Variants in UBE3D observed in about 807,000 individuals in gnomAD.
UBE3D encodes the protein E3 ubiquitin-protein ligase E3D.
Under a neutral mutation model 49.6 loss-of-function variants are expected in UBE3D, and 48 were observed. That is an observed-to-expected ratio of 0.97 (90% confidence interval 0.77 to 1.23). The LOEUF (loss-of-function observed/expected upper bound fraction) is 1.23. UBE3D is among the 50% of genes most tolerant of loss of function. The pLI is 0.00. For synonymous variants in UBE3D, 189 were observed against 174.2 expected, an observed-to-expected ratio of 1.08 and a Z score of -0.67; for missense variants, 452 against 468.4, an observed-to-expected ratio of 0.96 and a Z score of 0.32.
chr6:82,993,942 T>C (rs1325250767), intron 8 of UBE3D, among the ~76,000 whole-genome samples: 1 of 152,180 alleles, frequency 6.6e-6, no homozygotes, highest in Non-Finnish European at 1.5e-5. Context: ...TTGACTTCAT[T>C]AATCTAGAAA....
chr6:83,060,307 A>G (rs1784092773), intron 1 of UBE3D, among the ~76,000 whole-genome samples: 1 of 152,220 alleles, frequency 6.6e-6, no homozygotes, highest in South Asian at 2.1e-4. Context: ...TGCCACTAGG[A>G]CAATGAGGGC....
downstream of UBE3D, among the ~76,000 whole-genome samples, chr6:82,887,399 T>TTTTTTTTTTG (rs1562053917): frequency 8.9e-4 from 124 of 138,990 alleles, 4 homozygotes; most frequent in African/African-American, 3.3e-3. Flanking sequence ...GTTTTTTTTT[T>TTTTTTTTTTG]TTTTTTTTTT....
intron 9 of UBE3D, chr6:82,938,242 G>A (rs868564895): frequency 3.9e-5 from 6 of 152,088 alleles, no homozygotes; most frequent in African/African-American, 1.2e-4. Context: ...CATAGATAAC[G>A]AAACTGGGAT....
At chr6:83,011,888 C>T (rs899440219) in intron 8 of UBE3D, among the ~76,000 whole-genome samples, 18 of 152,026 alleles carry the variant, frequency 1.2e-4, no homozygotes, top group African/African-American at 1.7e-4. Flanking sequence ...TTCCTGGACC[C>T]GTGAATCCTA....
At chr6:82,947,909 AAC>A (rs1775523057) in intron 9 of UBE3D, among the ~76,000 whole-genome samples, 1 of 152,114 alleles carries the variant, frequency 6.6e-6, no homozygotes, top group South Asian at 2.1e-4. Flanking sequence ...CCTACATCAA[AAC>A]AGAAGAAAAA....
At chr6:82,946,892 C>T (rs1775446067) in intron 9 of UBE3D, among the ~76,000 whole-genome samples, 2 of 145,044 alleles carry the variant, frequency 1.4e-5, no homozygotes, top group African/African-American at 5.1e-5. Flanking sequence ...CTCATGTTAA[C>T]AAAAATCATA....
At chr6:82,881,100 G>A in the UBE3D span, among the ~76,000 whole-genome samples, 1 of 152,220 alleles carries the variant, frequency 6.6e-6, no homozygotes, top group African/African-American at 2.4e-5. Context: ...TAAGGGGACA[G>A]AAACTTTCAG....
At chr6:82,928,124 A>C (rs1773893295) in intron 9 of UBE3D, among the ~76,000 whole-genome samples, 1 of 152,008 alleles carries the variant, frequency 6.6e-6, no homozygotes, top group South Asian at 2.1e-4. Flanking sequence ...GTAATGAGGG[A>C]AGTTATCCCC....
intron 5 of UBE3D, among the ~76,000 whole-genome samples, chr6:83,030,217 A>G (rs965197185): frequency 9.9e-5 from 15 of 152,144 alleles, no homozygotes; most frequent in African/African-American, 3.6e-4. Context: ...ATTAAAAAAA[A>G]AAGACGTTTC....
chr6:82,937,347 A>C, intron 9 of UBE3D, among the ~76,000 whole-genome samples: 1 of 152,178 alleles, frequency 6.6e-6, no homozygotes, highest in Non-Finnish European at 1.5e-5. Flanking sequence ...CAAACAACAA[A>C]AACAAAAACA....
At chr6:83,022,938 G>C (rs1209784073) in intron 6 of UBE3D, among the ~76,000 whole-genome samples, 1 of 152,164 alleles carries the variant, frequency 6.6e-6, no homozygotes, top group Admixed American at 6.5e-5. Context: ...CCAAACATCA[G>C]ACAGTATTGT....
At chr6:82,933,077 T>C (rs1774290618) in intron 9 of UBE3D, among the ~76,000 whole-genome samples, 1 of 152,052 alleles carries the variant, frequency 6.6e-6, no homozygotes, top group Admixed American at 6.6e-5. Context: ...TTGGGTTTTT[T>C]TGGGGGGTGG....
chr6:82,892,157 GT>G (rs1770997599), downstream of UBE3D, among the ~76,000 whole-genome samples: 1 of 152,218 alleles, frequency 6.6e-6, no homozygotes, highest in Admixed American at 6.5e-5. Flanking sequence ...TGATCCTGGA[GT>G]AGGAAAGGAG....
intron 8 of UBE3D, among the ~76,000 whole-genome samples, chr6:82,973,047 C>T (rs1777463186): frequency 6.6e-6 from 1 of 152,122 alleles, no homozygotes; most frequent in African/African-American, 2.4e-5. Flanking sequence ...AAAGCTTATT[C>T]AGGAATCCCC....
chr6:82,939,235 C>T (rs1375094954), intron 9 of UBE3D, among the ~76,000 whole-genome samples: 1 of 152,178 alleles, frequency 6.6e-6, no homozygotes, highest in Non-Finnish European at 1.5e-5. Flanking sequence ...AGGCCTTGCC[C>T]CTAGGCCTTC....
At chr6:83,008,386 C>T (rs1464870347) in intron 8 of UBE3D, among the ~76,000 whole-genome samples, 5 of 151,944 alleles carry the variant, frequency 3.3e-5, no homozygotes, top group Non-Finnish European at 7.4e-5. Context: ...TGCTGATAAA[C>T]AAACTAAAAA....
intron 5 of UBE3D, chr6:83,032,295 C>T (rs1343085812): frequency 1.8e-5 from 8 of 454,864 alleles, no homozygotes; most frequent in Non-Finnish European, 3.1e-5. Context: ...CCACCTCTTG[C>T]ATCAGCATGA....
chr6:83,000,409 A>G (rs115981383), intron 8 of UBE3D, among the ~76,000 whole-genome samples: 2 of 152,154 alleles, frequency 1.3e-5, no homozygotes, highest in Non-Finnish European at 2.9e-5. Flanking sequence ...CCAATCAATC[A>G]TCAAGTATGC....
chr6:82,941,913 A>G (rs1016992419), intron 9 of UBE3D, among the ~76,000 whole-genome samples: 12 of 152,192 alleles, frequency 7.9e-5, no homozygotes, highest in Non-Finnish European at 1.8e-4. Context: ...AGTCTCAGGG[A>G]GTTCTTTATA....
Sources: allele counts gnomAD v4.1 joint callset (sites outside exome capture counted in the v4.1 genomes callset), GRCh38; gene constraint gnomAD v4.1.1; transcripts MANE v1.5; gene names NCBI Gene and HGNC (gene_info 2026-07-23, HGNC 2026-07-21).